Variants in RALYL observed in about 807,000 individuals in gnomAD.
RALYL encodes the protein RNA-binding Raly-like protein.
Under a neutral mutation model 35.1 loss-of-function variants are expected in RALYL, and 29 were observed. The ratio of observed to expected loss-of-function variants is 0.83; its 90% CI spans 0.61 to 1.13. RALYL has a LOEUF of 1.13. Ranked by LOEUF, RALYL falls within the 50% of genes most tolerant of loss-of-function variation. The probability of loss-of-function intolerance (pLI) is 0.00; values close to 1 mark genes in which losing one functional copy is unlikely to be tolerated. For synonymous variants in RALYL, 120 were observed against 127.6 expected, an observed-to-expected ratio of 0.94 and a Z score of 0.40; for missense variants, 359 against 360.4, an observed-to-expected ratio of 1.00 and a Z score of 0.03.
At chr8:84,601,204 C>T (rs191683069) in intron 2 of RALYL, among the ~76,000 whole-genome samples, 2 of 152,106 alleles carry the variant, frequency 1.3e-5, no homozygotes, top group Admixed American at 1.3e-4. Context: ...TTATGTATGA[C>T]CTACATTTAA....
At chr8:84,424,474 A>T (rs1277090749) in intron 1 of RALYL, among the ~76,000 whole-genome samples, 1 of 145,054 alleles carries the variant, frequency 6.9e-6, no homozygotes, top group East Asian at 2.0e-4. Flanking sequence ...AAAGTTTTCA[A>T]CTTCTTTGCC....
At chr8:84,425,255 C>T (rs1166545076) in intron 1 of RALYL, among the ~76,000 whole-genome samples, 6 of 152,064 alleles carry the variant, frequency 3.9e-5, no homozygotes, top group Non-Finnish European at 8.8e-5. Flanking sequence ...TCTCGTGGTG[C>T]GCCGTTTTTT....
chr8:84,424,455 AT>A (rs950866420), intron 1 of RALYL, among the ~76,000 whole-genome samples: 1 of 140,026 alleles, frequency 7.1e-6, no homozygotes, highest in African/African-American at 2.9e-5. Context: ...ATTCTTCTAA[AT>A]TTTTTTCAAA....
At chr8:84,686,589 G>C (rs1836847709) in intron 2 of RALYL, among the ~76,000 whole-genome samples, 1 of 151,992 alleles carries the variant, frequency 6.6e-6, no homozygotes, top group Admixed American at 6.6e-5. Flanking sequence ...ATTTTTAGTA[G>C]AGACTGGGTT....
intron 1 of RALYL, among the ~76,000 whole-genome samples, chr8:84,342,009 G>A (rs898725412): frequency 1.3e-5 from 2 of 151,458 alleles, no homozygotes; most frequent in Non-Finnish European, 2.9e-5. Context: ...AAGATTAGAT[G>A]CATTATTATC....
At chr8:84,876,702 TCTCA>T (rs61637340) in intron 7 of RALYL, among the ~76,000 whole-genome samples, 68,733 of 151,548 alleles carry the variant, frequency 0.45, 18,448 homozygotes, top group African/African-American at 0.74. Context: ...TCAATTTTAT[TCTCA>T]CTGTTATTCC....
At chr8:84,581,470 A>G (rs1415803677) in intron 2 of RALYL, among the ~76,000 whole-genome samples, 1 of 152,206 alleles carries the variant, frequency 6.6e-6, no homozygotes, top group Non-Finnish European at 1.5e-5. Flanking sequence ...ACCTTATTAC[A>G]CACATAATAT....
intron 1 of RALYL, among the ~76,000 whole-genome samples, chr8:84,234,606 A>C (rs1331705240): frequency 6.6e-6 from 1 of 152,124 alleles, no homozygotes; most frequent in Non-Finnish European, 1.5e-5. Flanking sequence ...TGGAAAGTGC[A>C]ACCATTTTTG....
At chr8:84,561,191 C>T (rs780235123) in intron 2 of RALYL, among the ~76,000 whole-genome samples, 13 of 151,938 alleles carry the variant, frequency 8.6e-5, no homozygotes, top group Non-Finnish European at 1.6e-4. Context: ...ACATTTTCTT[C>T]TATAAATGGC....
chr8:84,537,960 C>T (rs1295341177), intron 2 of RALYL, among the ~76,000 whole-genome samples: 1 of 152,124 alleles, frequency 6.6e-6, no homozygotes, highest in Admixed American at 6.5e-5. Context: ...AAGTCTTCAT[C>T]CTCATCTTTC....
chr8:84,333,559 C>T (rs1263257213), intron 1 of RALYL, among the ~76,000 whole-genome samples: 1 of 152,078 alleles, frequency 6.6e-6, no homozygotes, highest in Non-Finnish European at 1.5e-5. Context: ...CATAGCAGCC[C>T]AAAGGAATTT....
intron 1 of RALYL, among the ~76,000 whole-genome samples, chr8:84,285,990 A>C (rs1837523184): frequency 6.6e-6 from 1 of 152,082 alleles, no homozygotes; most frequent in African/African-American, 2.4e-5. Context: ...GAAACGTGAG[A>C]AATTTTGGTG....
At chr8:84,876,597 A>C (rs17736474) in intron 7 of RALYL, among the ~76,000 whole-genome samples, 69,525 of 152,022 alleles carry the variant, frequency 0.46, 18,914 homozygotes, top group African/African-American at 0.75. Context: ...ATGCAATGGG[A>C]ACAGTTACTC....
At chr8:84,792,870 G>A (rs1821121759) in intron 3 of RALYL, among the ~76,000 whole-genome samples, 1 of 152,204 alleles carries the variant, frequency 6.6e-6, no homozygotes, top group Non-Finnish European at 1.5e-5. Context: ...TGTCCCATCT[G>A]CCACATCACA....
intron 1 of RALYL, among the ~76,000 whole-genome samples, chr8:84,286,534 G>A (rs1203945909): frequency 1.3e-5 from 2 of 152,146 alleles, no homozygotes; most frequent in African/African-American, 2.4e-5. Flanking sequence ...AGAGCACCTC[G>A]CAAGGAGAAT....
intron 2 of RALYL, among the ~76,000 whole-genome samples, chr8:84,735,523 G>T (rs1346755122): frequency 6.6e-6 from 1 of 151,808 alleles, no homozygotes; most frequent in Non-Finnish European, 1.5e-5. Flanking sequence ...TGCCAACTGA[G>T]CCTCAACTGA....
chr8:84,229,365 G>T (rs932166059), intron 1 of RALYL, among the ~76,000 whole-genome samples: 50 of 152,282 alleles, frequency 3.3e-4, no homozygotes, highest in African/African-American at 1.2e-3. Context: ...TGAGAAATAA[G>T]CAATATCTGA....
At chr8:84,752,524 T>C (rs1810318552) in intron 2 of RALYL, among the ~76,000 whole-genome samples, 2 of 151,952 alleles carry the variant, frequency 1.3e-5, no homozygotes, top group African/African-American at 4.8e-5. Flanking sequence ...GCCAAGACAA[T>C]GGGAAAAAGG....
At chr8:84,474,212 A>G (rs191949776) in intron 1 of RALYL, among the ~76,000 whole-genome samples, 60 of 152,266 alleles carry the variant, frequency 3.9e-4, no homozygotes, top group African/African-American at 1.4e-3. Flanking sequence ...AGTGTTGACT[A>G]ATGATTACTT....
Sources: gnomAD v4.1 joint callset for allele counts (sites outside exome capture counted in the v4.1 genomes callset) on GRCh38, gnomAD v4.1.1 for gene constraint, MANE v1.5 for transcripts, NCBI Gene and HGNC (gene_info 2026-07-23, HGNC 2026-07-21) for gene names.